Variants in TDRD6 observed in about 807,000 individuals in gnomAD.
TDRD6 encodes tudor domain-containing protein 6.
In TDRD6, 186 loss-of-function variants were observed where a neutral mutation model predicts 157.5. That is an observed-to-expected ratio of 1.18 (90% CI 1.05 to 1.33). The LOEUF (loss-of-function observed/expected upper bound fraction) is 1.33. Among genes scored for constraint, TDRD6 ranks in the 40% most tolerant of loss-of-function variants. The pLI is 0.00. For synonymous variants in TDRD6, 1,075 were observed against 945.2 expected (o/e 1.14, Z -2.52); for missense variants, 3,066 against 2,508.0 (o/e 1.22, Z -4.75).
Position 46,688,808 on chromosome 6 carries a change from T to A in TDRD6, c.680T>A (p.Leu227His). Residue 227 changes from leucine to histidine, a missense_variant, in exon 1 of 4, where the codon CTC (leucine) becomes CAC (histidine). Leu to His is a moderately conservative substitution (Grantham distance 99, BLOSUM62 -3). Coordinates refer to ENST00000316081, the MANE Select transcript of TDRD6 (RefSeq NM_001010870.3). ...TASVGSGVPV[L>H]SRVPLKQKQP... ...AGCGTGGGCTCCGGGGTCCCGGTTC[T>A]CTCGCGAGTCCCGCTCAAGCAAAAG... 1 of 1,612,050 alleles carries A rather than the reference T, an allele frequency of 6.2e-7. No homozygotes were observed. The highest frequency in any genetic ancestry group is 8.5e-7 in the Non-Finnish European group (1 of 1,179,880).
chr6:46,694,830 G>A (rs1488209066), intron 1 of TDRD6, among the ~76,000 whole-genome samples: 1 of 152,046 alleles, frequency 6.6e-6, no homozygotes, highest in Admixed American at 6.6e-5. Flanking sequence ...CCAAATTTAT[G>A]GCACTACTAC....
At chr6:46,696,206 T>A (rs1764491654) in intron 2 of TDRD6, among the ~76,000 whole-genome samples, 1 of 152,058 alleles carries the variant, frequency 6.6e-6, no homozygotes, top group African/African-American at 2.4e-5. Context: ...ACACATCTTA[T>A]CTCTTAGTTG....
chr6:46,703,503 CTGAA>C lies in TDRD6; in HGVS notation c.*1619_*1622del, dbSNP rs753664633. ...AACTCCCTATTTTAAAAAATTTAAT[CTGAA>C]TGGCTACAGAAGTAAAATTTCTCAG... On this transcript the variant is annotated 3_prime_UTR_variant, in exon 4 of 4. Coordinates refer to ENST00000316081, the MANE Select transcript of TDRD6 (RefSeq NM_001010870.3). 4 of 151,988 alleles carry C rather than the reference CTGAA, an allele frequency of 2.6e-5. No homozygotes were observed. The highest frequency in any genetic ancestry group is 4.8e-5 in the African/African-American group (2 of 41,426). The allele number at this position is 151,988 out of a possible 1,614,324, so 9.4% of individuals were successfully genotyped here.
chr6:46,696,575 GTGTGTGTA>G (rs1489287665), intron 2 of TDRD6, among the ~76,000 whole-genome samples: 2 of 57,088 alleles, frequency 3.5e-5, no homozygotes, highest in Non-Finnish European at 6.3e-5. Context: ...GTGTGTGTGT[GTGTGTGTA>G]TATATATATA....
upstream of TDRD6, among the ~76,000 whole-genome samples, chr6:46,686,941 A>C (rs1757128202): frequency 6.6e-6 from 1 of 152,242 alleles, no homozygotes; most frequent in South Asian, 2.1e-4. Context: ...GGCCAGGGTC[A>C]TTTGAAGCAC....
At position 46,693,769 on chromosome 6, in the gene TDRD6, G is replaced by T; in HGVS notation, c.5641G>T (p.Glu1881Ter). ...GCCACCGAATGTGCCACTCTCCCAAGAGTGTGTCACAAAAGGCGCCATGGA... is the reference window on the plus strand; with the variant it reads ...GCCACCGAATGTGCCACTCTCCCAATAGTGTGTCACAAAAGGCGCCATGGA... ...PVPPNVPLSQECVTKGAMELF... is the reference protein window; with the variant it reads ...PVPPNVPLSQ Residue 1881 changes from glutamate to a stop codon, truncating the protein, a stop_gained, in exon 1 of 4, where the codon GAG (glutamate) becomes TAG (stop). Coordinates refer to ENST00000316081, the MANE Select transcript of TDRD6 (RefSeq NM_001010870.3). LOFTEE classifies it high-confidence loss of function. 6.2e-7 allele frequency: 1 copy of T among 1,614,202 alleles called. No homozygotes were observed. Among genetic ancestry groups the T allele is most frequent in the East Asian group, 2.2e-5 (1 of 44,880 alleles).
In TDRD6 at chr6:46,702,101, T is replaced by A; in HGVS notation, c.*214T>A. ...TCCTGTTATATATACAGATCTGGGA[T>A]CTTTCGTCTTTATTGTCTTACGTTT... On this transcript the variant is annotated 3_prime_UTR_variant, in exon 4 of 4. Transcript: ENST00000316081. 2.5e-6 allele frequency: 1 copy of A among 400,382 alleles called. No homozygotes were observed. Among genetic ancestry groups the A allele is most frequent in the Non-Finnish European group, 4.5e-6 (1 of 224,066 alleles). 24.8% of individuals were successfully genotyped at this position (400,382 alleles called of 1,614,324 possible).
At position 46,690,299 on chromosome 6, in the gene TDRD6, G is replaced by A. The variant is rs760048608; in HGVS notation, c.2171G>A (p.Ser724Asn). The A allele has an allele frequency of 1.2e-6, 2 of 1,613,508 alleles. No individual in the cohort carries two copies. The highest frequency in any genetic ancestry group is 3.3e-5 in the Admixed American group (2 of 60,022). ...ACCACATCTGTTTCAAAAGCTTTGA[G>A]TGACACAACAGTTGTAACAAATGGT... ...NKTTSVSKAL[S>N]DTTVVTNGST... Residue 724 changes from serine to asparagine, a missense_variant, in exon 1 of 4, where the codon AGT becomes AAT. Physicochemically the swap from Ser to Asn is conservative, Grantham distance 46. Coordinates refer to ENST00000316081, the MANE Select transcript of TDRD6 (RefSeq NM_001010870.3).
At position 46,695,925 on chromosome 6, in the gene TDRD6, A is replaced by G. The variant is rs767775650; in HGVS notation, c.6151A>G (p.Thr2051Ala). ...NTWSKCEILE[T>A]AEEGTRVLNL... ...ATGGTCTAAATGTGAGATTTTAGAA[A>G]CAGCTGAAGAAGGAACAAGGGTAAG... Residue 2051 changes from threonine (T) to alanine (A), a missense_variant, in exon 2 of 4, where the codon ACA (threonine) becomes GCA (alanine). Transcript: ENST00000316081. The G allele has an allele frequency of 3.7e-6, 6 of 1,613,212 alleles. No homozygotes were observed. The highest frequency in any genetic ancestry group is 1.3e-5 in the African/African-American group (1 of 74,888).
chr6:46,691,092 ATTAG>A lies in TDRD6; in HGVS notation c.2967_2970del (p.Leu989PhefsTer3). The A allele has an allele frequency of 6.2e-7, 1 of 1,613,916 alleles. No individual in the cohort carries two copies. On this transcript the variant is annotated frameshift_variant, in exon 1 of 4. Coordinates refer to ENST00000316081, the MANE Select transcript of TDRD6 (RefSeq NM_001010870.3). LOFTEE classifies it high-confidence loss of function. ...ATGATATGAAAATTGGAAGTGAAGA[ATTAG>A]TTTATATAACGCATATTGATGACCC...
In TDRD6 at chr6:46,703,173, G is replaced by C. The variant is rs986139691; in HGVS notation, c.*1286G>C. 6.6e-6 allele frequency: 1 copy of C among 152,014 alleles called. No homozygotes were observed. The highest frequency in any genetic ancestry group is 2.4e-5 in the African/African-American group (1 of 41,422). 9.4% of individuals were successfully genotyped at this position (152,014 alleles called of 1,614,324 possible). A position where few individuals can be genotyped will look rare whatever the true frequency, so the allele number is the denominator to read the frequency against. On this transcript the variant is annotated 3_prime_UTR_variant, in exon 4 of 4. Transcript: ENST00000316081. ...GAATGCTTATTTCTAAAATGAATAGGGAAAAGGTTTGCTAAATGAGACTGG... is the reference window on the plus strand; with the variant it reads ...GAATGCTTATTTCTAAAATGAATAGCGAAAAGGTTTGCTAAATGAGACTGG...
intron 3 of TDRD6, among the ~76,000 whole-genome samples, chr6:46,698,895 T>A (rs1764558083): frequency 6.6e-6 from 1 of 152,208 alleles, no homozygotes; most frequent in Admixed American, 6.5e-5. Context: ...CATGTTCTCT[T>A]TCTCCTTCTG....
Position 46,690,553 on chromosome 6 carries a change from T to G in TDRD6, c.2425T>G (p.Cys809Gly). The G allele has an allele frequency of 6.2e-7, 1 of 1,614,230 alleles. No individual in the cohort carries two copies. The highest frequency in any genetic ancestry group is 8.5e-7 in the Non-Finnish European group (1 of 1,180,036). ...TCTAATGTCTGATATTCAGTACTAT[T>G]GCAAAAATACAGCTGCTCCTCACCA... ...KTLMSDIQYY[C>G]KNTAAPHQRN... Residue 809 changes from cysteine to glycine, a missense_variant, in exon 1 of 4, where the codon TGC becomes GGC. Physicochemically the swap from Cys to Gly is radical, Grantham distance 159 (BLOSUM62 -3). Transcript: ENST00000316081.
chr6:46,692,769 A>G lies in TDRD6; in HGVS notation c.4641A>G (p.Leu1547=), dbSNP rs758076487. Residue 1547 remains leucine (L), a synonymous_variant, in exon 1 of 4, where the codon TTA becomes TTG. Transcript: ENST00000316081. ...CTGATACGGAGAAACTTCAGTGTTT[A>G]GAAGTAGAAGTACAGACTGCTGGAG... ...QFADTEKLQC[L]EVEVQTAGEQ... is the part of the protein sequence containing the mutation. The G allele has an allele frequency of 8.7e-6, 14 of 1,613,604 alleles. 1 individual carries two copies. The highest frequency in any genetic ancestry group is 1.0e-5 in the Non-Finnish European group (12 of 1,180,000).
At chr6:46,680,308 G>A in the TDRD6 span, among the ~76,000 whole-genome samples, 1 of 151,636 alleles carries the variant, frequency 6.6e-6, no homozygotes, top group African/African-American at 2.4e-5. Context: ...CTGGGCAACG[G>A]AGGGAGACTC....
rs1764227010 is a variant in TDRD6 at position 46,689,272 on chromosome 6, T to C, written c.1144T>C (p.Trp382Arg). The part of the protein sequence containing the change: ...VTYPCALYGL[W>R]DGGRGWSRSQ... ...CTACCCTTGTGCTTTGTATGGACTC[T>C]GGGACGGTGGGAGAGGCTGGTCTCG... Residue 382 changes from tryptophan to arginine, a missense_variant, in exon 1 of 4, where the codon TGG (tryptophan) becomes CGG (arginine). Physicochemically the swap from Trp to Arg is moderately radical, Grantham distance 101. Transcript: ENST00000316081. The C allele has an allele frequency of 6.2e-7, 1 of 1,614,144 alleles. No homozygotes were observed. Among genetic ancestry groups the C allele is most frequent in the African/African-American group, 1.3e-5 (1 of 75,042 alleles).
chr6:46,696,599 ATATTTTTTTTTTTTT>A (rs1452008769), intron 2 of TDRD6, among the ~76,000 whole-genome samples: 295 of 26,762 alleles, frequency 0.011, 2 homozygotes, highest in African/African-American at 0.036. Context: ...ATATATATAT[ATATTTTTTTTTTTTT>A]TTTTTTTTTT....
At chr6:46,687,802 T>G, upstream of TDRD6, 1 of 286,432 alleles carries the variant, frequency 3.5e-6, no homozygotes. Context: ...CTTGGGCCCT[T>G]AGGCGTTAGG....
chr6:46,680,505 A>C, the TDRD6 span, among the ~76,000 whole-genome samples: 3 of 152,154 alleles, frequency 2.0e-5, no homozygotes, highest in Non-Finnish European at 2.9e-5. Flanking sequence ...AATTATTCAG[A>C]CCTTAAAGTA....
Sources: allele counts gnomAD v4.1 joint callset (sites outside exome capture counted in the v4.1 genomes callset), GRCh38; gene constraint gnomAD v4.1.1; transcripts MANE v1.5; gene names NCBI Gene and HGNC (gene_info 2026-07-23, HGNC 2026-07-21).